LTBP1: variants seen among roughly 807,000 people sequenced by gnomAD.
LTBP1 encodes the protein latent-transforming growth factor beta-binding protein 1.
In LTBP1, 129 loss-of-function variants were observed where a neutral mutation model predicts 207.6. The observed-to-expected ratio is 0.62, with a 90% CI of 0.54 to 0.72. LTBP1 has a LOEUF of 0.72. Among genes scored for constraint, LTBP1 ranks in the 30% least tolerant of loss-of-function variants. The pLI is 0.00. For missense variants in LTBP1, 2,281 were observed against 2,217.2 expected, an observed-to-expected ratio of 1.03 and a Z score of -0.58; for synonymous variants, 963 against 833.7, an observed-to-expected ratio of 1.16 and a Z score of -2.67.
intron 23 of LTBP1, among the ~76,000 whole-genome samples, chr2:33,314,745 A>G (rs1409626934): frequency 6.6e-6 from 1 of 152,220 alleles, no homozygotes; most frequent in Non-Finnish European, 1.5e-5. Context: ...ATAGGCAGGA[A>G]TGTAACAAGG....
At chr2:33,350,499 C>T (rs1367309015) in intron 26 of LTBP1, among the ~76,000 whole-genome samples, 4 of 152,358 alleles carry the variant, frequency 2.6e-5, no homozygotes, top group East Asian at 3.9e-4. Flanking sequence ...AGAGCACCCA[C>T]TTCCAGCAGG....
chr2:33,276,862 GCAAAA>G, intron 18 of LTBP1, among the ~76,000 whole-genome samples: 1 of 152,268 alleles, frequency 6.6e-6, no homozygotes, highest in South Asian at 2.1e-4. Context: ...AAAAAACAAA[GCAAAA>G]CAAAACAAAA....
intron 2 of LTBP1, among the ~76,000 whole-genome samples, chr2:32,997,045 T>C (rs1685395263): frequency 1.3e-5 from 2 of 152,040 alleles, no homozygotes; most frequent in Admixed American, 6.5e-5. Flanking sequence ...CCACCATGCC[T>C]GGCTAATTTT....
rs149445442 is a variant in LTBP1, at chr2:33,280,108, A to G, written c.3062A>G (p.Gln1021Arg). 1 of 1,614,136 alleles carries G rather than the reference A, an allele frequency of 6.2e-7. No individual in the cohort carries two copies. Among genetic ancestry groups the G allele is most frequent in the African/African-American group, 1.3e-5 (1 of 75,052 alleles). The change falls in exon 19 of 34, where the codon CAG becomes CGG. Residue 1021 changes from glutamine (Q) to arginine (R), a missense_variant. Physicochemically the swap from Gln to Arg is conservative, Grantham distance 43. Transcript: ENST00000404816. ...TGTGTGAATTCTCCTGGATCTTACCAGTGCGTTCCCTGCACAGAAGGATTC... is the reference window on the plus strand; with the variant it reads ...TGTGTGAATTCTCCTGGATCTTACCGGTGCGTTCCCTGCACAGAAGGATTC... The part of the protein sequence containing the change: ...EQCVNSPGSY[Q>R]CVPCTEGFRG...
chr2:33,192,015 T>G (rs1188365383), intron 7 of LTBP1, among the ~76,000 whole-genome samples: 1 of 152,094 alleles, frequency 6.6e-6, no homozygotes. Context: ...CAGAACTGTT[T>G]GGAGGGTGGA....
intron 3 of LTBP1, among the ~76,000 whole-genome samples, chr2:33,042,437 C>T (rs1018990375): frequency 1.3e-5 from 2 of 152,090 alleles, no homozygotes; most frequent in Non-Finnish European, 2.9e-5. Flanking sequence ...GAGGACAGAG[C>T]AAAGGGAGAG....
At chr2:33,301,684 G>A in intron 22 of LTBP1, 40 bp downstream of exon 22, 1 of 1,516,358 alleles carries the variant, frequency 6.6e-7, no homozygotes, top group Non-Finnish European at 8.8e-7. Context: ...AAAATGCCCA[G>A]ATCGGAGGGA....
chr2:32,962,863 C>A (rs1481851484), intron 2 of LTBP1, among the ~76,000 whole-genome samples: 1 of 152,258 alleles, frequency 6.6e-6, no homozygotes, highest in Admixed American at 6.5e-5. Flanking sequence ...AAACCAGGAG[C>A]TCTGGGATGG....
rs1455032783 is a variant in LTBP1, at chr2:33,263,317, C to T, written c.2542C>T (p.Pro848Ser). Residue 848 changes from proline (P) to serine (S), a missense_variant, in exon 15 of 34, where the codon CCT becomes TCT. Coordinates refer to ENST00000404816, the MANE Select transcript of LTBP1 (RefSeq NM_206943.4). ...FPVVIEKTSPPVPVEVAPEAS... is the reference protein window; with the variant it reads ...FPVVIEKTSPSVPVEVAPEAS... ...AGTAGTGATTGAAAAAACATCACCT[C>T]CTGTGCCTGTTGAAGTAGCTCCTGA... 1.9e-6 allele frequency: 3 copies of T among 1,613,522 alleles called. No individual in the cohort carries two copies. Among genetic ancestry groups the T allele is most frequent in the African/African-American group, 2.7e-5 (2 of 74,920 alleles).
chr2:33,165,010 C>T (rs2084800061), intron 5 of LTBP1, among the ~76,000 whole-genome samples: 1 of 152,134 alleles, frequency 6.6e-6, no homozygotes, highest in Admixed American at 6.5e-5. Flanking sequence ...AAGAGGAATT[C>T]TTTCAGAATC....
Position 33,074,498 on chromosome 2 carries a change from A to T in LTBP1, c.864-36084A>T, listed in dbSNP as rs541336443. Among the ~76,000 whole-genome samples the T allele has an allele frequency of 6.6e-5, 10 of 152,290 alleles. No homozygotes were observed. The East Asian group carries it at 1.9e-3, about 29-fold the overall frequency. ...ATGCCTGTAACCCCAGCACTTTGGG[A>T]GGCCAAGGTGGGTGGATCACTTGAG... On this transcript the variant is annotated intron_variant, in intron 3 of 33. Transcript: ENST00000404816.
At chr2:33,143,787 G>GTTTTTTTTTTTTTT (rs78245020) in intron 5 of LTBP1, among the ~76,000 whole-genome samples, 1 of 141,812 alleles carries the variant, frequency 7.1e-6, no homozygotes. Context: ...GTTTTTTGTT[G>GTTTTTTTTTTTTTT]TTTTTTTTTT....
At chr2:33,238,234 TCA>T (rs1424899943) in intron 9 of LTBP1, among the ~76,000 whole-genome samples, 1 of 152,194 alleles carries the variant, frequency 6.6e-6, no homozygotes, top group African/African-American at 2.4e-5. Flanking sequence ...CTTCATATTT[TCA>T]CACAGTAGAA....
chr2:32,965,057 AAAAC>A (rs1255462654), intron 2 of LTBP1, among the ~76,000 whole-genome samples: 3 of 152,262 alleles, frequency 2.0e-5, no homozygotes, highest in Admixed American at 1.3e-4. Flanking sequence ...ACAAAAAACA[AAAAC>A]AAACTTTAGT....
intron 15 of LTBP1, among the ~76,000 whole-genome samples, chr2:33,269,413 T>C (rs574952513): frequency 6.6e-6 from 1 of 152,240 alleles, no homozygotes; most frequent in South Asian, 2.1e-4. Flanking sequence ...GCAGATATAG[T>C]AGGGAAGAGT....
intron 31 of LTBP1, among the ~76,000 whole-genome samples, chr2:33,385,066 A>G (rs1280226651): frequency 6.6e-6 from 1 of 152,220 alleles, no homozygotes; most frequent in Non-Finnish European, 1.5e-5. Context: ...ATTCTTGGAC[A>G]TCAGTTTTTC....
chr2:33,106,608 C>CTTT (rs1267105433), intron 3 of LTBP1, among the ~76,000 whole-genome samples: 5 of 151,424 alleles, frequency 3.3e-5, no homozygotes, highest in Non-Finnish European at 5.9e-5. Flanking sequence ...GAAAGGAAAT[C>CTTT]TTTTTCTTTT....
chr2:33,377,138 A>G (rs371890948), intron 31 of LTBP1, among the ~76,000 whole-genome samples: 19 of 152,192 alleles, frequency 1.2e-4, no homozygotes, highest in Middle Eastern at 3.4e-3. Context: ...GGGAAAACTT[A>G]CTCCTTCATT....
chr2:33,181,400 C>G (rs935136848), intron 5 of LTBP1, among the ~76,000 whole-genome samples: 1 of 152,172 alleles, frequency 6.6e-6, no homozygotes, highest in Admixed American at 6.5e-5. Flanking sequence ...GTTTTACAGA[C>G]CAAAGTGAAT....
Sources: gnomAD v4.1 joint callset for allele counts (sites outside exome capture counted in the v4.1 genomes callset) on GRCh38, gnomAD v4.1.1 for gene constraint, MANE v1.5 for transcripts, NCBI Gene and HGNC (gene_info 2026-07-23, HGNC 2026-07-21) for gene names.